SLC4A5: variants seen among roughly 807,000 people sequenced by gnomAD.
The protein encoded by SLC4A5 is electrogenic sodium bicarbonate cotransporter 4.
Under a neutral mutation model 120.4 loss-of-function variants are expected in SLC4A5, and 96 were observed. That is an observed-to-expected ratio of 0.80 (90% CI 0.68 to 0.94). SLC4A5 has a LOEUF of 0.94. Among genes scored for constraint, SLC4A5 ranks in the 40% least tolerant of loss-of-function variants. The pLI, the probability that SLC4A5 is intolerant of heterozygous loss-of-function variation, is 0.00. For missense variants in SLC4A5, 1,259 were observed against 1,459.5 expected (o/e 0.86, Z 2.24); for synonymous variants, 550 against 571.1 (o/e 0.96, Z 0.53).
chr2:74,343,026 T>C (rs939504064), intron 1 of SLC4A5, among the ~76,000 whole-genome samples: 6 of 151,980 alleles, frequency 3.9e-5, no homozygotes, highest in African/African-American at 1.5e-4. Context: ...TCCACAGATA[T>C]GCACACACTA....
intron 1 of SLC4A5, 63 bp from the exon 2 acceptor site, chr2:74,342,597 T>C (rs1002666835): frequency 1.3e-5 from 2 of 152,198 alleles, no homozygotes; most frequent in African/African-American, 4.8e-5. Flanking sequence ...CTAAGGGCAC[T>C]GGGTTTCTAA....
chr2:74,247,074 A>T, exon 19 of SLC4A5: 1 of 1,614,164 alleles, frequency 6.2e-7, no homozygotes, highest in Non-Finnish European at 8.5e-7. Context: ...GTAGGTAGTG[A>T]TGAAGTTTGG....
At chr2:74,342,285 T>C (rs893091847) in intron 2 of SLC4A5, among the ~76,000 whole-genome samples, 173 bp downstream of exon 2, 1 of 152,242 alleles carries the variant, frequency 6.6e-6, no homozygotes, top group Admixed American at 6.5e-5. Flanking sequence ...TGGAGATGTA[T>C]GAGTGTCTCC....
chr2:74,305,206 T>A (rs778133172), intron 6 of SLC4A5, among the ~76,000 whole-genome samples: 1 of 152,194 alleles, frequency 6.6e-6, no homozygotes, highest in Non-Finnish European at 1.5e-5. Context: ...AGAGCCCTAA[T>A]TCAGAATCCC....
In SLC4A5 at chr2:74,233,777, A is replaced by G. The variant is rs7571842; in HGVS notation, c.2434-214T>C. ...TGCAGACAGTGTCTGTAAAACTAAG[A>G]AGGTAATTTGCTGCAACAGCCCTGG... is the stretch of plus-strand genomic sequence containing the variant. On this transcript the variant is annotated intron_variant, in intron 22 of 30. Coordinates refer to ENST00000394019, the Ensembl canonical transcript of SLC4A5. Among the ~76,000 whole-genome samples the G allele has an allele frequency of 0.53, 81,096 of 152,014 alleles. 22,337 individuals are homozygous for G. The highest frequency in any genetic ancestry group is 0.65 in the African/African-American group (27,017 of 41,446).
chr2:74,226,953 T>G lies in SLC4A5; in HGVS notation c.3090+4A>C, dbSNP rs199498664. 5.0e-6 allele frequency: 8 copies of G among 1,612,486 alleles called. No individual in the cohort carries two copies. The African/African-American group carries it at 1.1e-4, about 21-fold the overall frequency. On this transcript the variant is annotated splice_donor_region_variant and intron_variant, in intron 27 of 30. Coordinates refer to ENST00000394019, the Ensembl canonical transcript of SLC4A5. ...CAGGAGGGGGAAGCCCGTGCCCACT[T>G]TACCATGACCGGGAAGATGATGGCA... is the stretch of plus-strand genomic sequence containing the variant.
At chr2:74,325,704 T>C (rs954538000) in intron 5 of SLC4A5, among the ~76,000 whole-genome samples, 1 of 152,202 alleles carries the variant, frequency 6.6e-6, no homozygotes, top group Non-Finnish European at 1.5e-5. Flanking sequence ...GTGAGGTATA[T>C]AATTTTCACC....
chr2:74,220,551 C>G (rs1440492503), intron 30 of SLC4A5, among the ~76,000 whole-genome samples: 1 of 151,994 alleles, frequency 6.6e-6, no homozygotes, highest in African/African-American at 2.4e-5. Context: ...GAGTCTTGCT[C>G]TGTTGCCCAG....
At chr2:74,256,160 T>C (rs1372016198) in intron 12 of SLC4A5, among the ~76,000 whole-genome samples, 1 of 152,206 alleles carries the variant, frequency 6.6e-6, no homozygotes, top group Non-Finnish European at 1.5e-5. Flanking sequence ...TGGCAACGAC[T>C]TTCCTTGACT....
chr2:74,307,674 C>A lies in SLC4A5; in HGVS notation c.80-2994G>T, dbSNP rs139464180. On this transcript the variant is annotated intron_variant, in intron 6 of 30. Coordinates refer to ENST00000394019, the Ensembl canonical transcript of SLC4A5. ...GGGTCCCTTCTTCTCCAGGTGCTCCCGGATTTTGCTCTCCAGCTTCCTGTT... is the reference window on the plus strand; with the variant it reads ...GGGTCCCTTCTTCTCCAGGTGCTCCAGGATTTTGCTCTCCAGCTTCCTGTT... The A allele has an allele frequency of 9.2e-4, 912 of 991,050 alleles. 12 individuals are homozygous for A. The South Asian group carries it at 9.2e-3, about 10-fold the overall frequency. The allele number at this position is 991,050 out of a possible 1,614,324, so 61.4% of individuals were successfully genotyped here. A position where few individuals can be genotyped will look rare whatever the true frequency, so the allele number is the denominator to read the frequency against.
intron 8 of SLC4A5, among the ~76,000 whole-genome samples, chr2:74,268,497 T>C (rs1671374108): frequency 6.6e-6 from 1 of 152,262 alleles, no homozygotes; most frequent in South Asian, 2.1e-4. Flanking sequence ...GTACCATAAT[T>C]GATAGGAACA....
intron 7 of SLC4A5, among the ~76,000 whole-genome samples, chr2:74,296,918 T>C (rs955375510): frequency 6.6e-6 from 1 of 152,200 alleles, no homozygotes; most frequent in African/African-American, 2.4e-5. Context: ...CCTTGGCTCC[T>C]TTCTTATCAG....
chr2:74,332,166 C>A (rs779458401), intron 4 of SLC4A5, among the ~76,000 whole-genome samples: 1 of 152,202 alleles, frequency 6.6e-6, no homozygotes, highest in Non-Finnish European at 1.5e-5. Context: ...ATTCTAAGCA[C>A]AGAGGGGTTG....
chr2:74,329,897 G>A (rs144889825), intron 4 of SLC4A5, among the ~76,000 whole-genome samples: 178 of 151,988 alleles, frequency 1.2e-3, no homozygotes, highest in Middle Eastern at 0.01. Context: ...GAAGTGATGA[G>A]ATGTAGATGG....
intron 8 of SLC4A5, among the ~76,000 whole-genome samples, chr2:74,283,595 C>A (rs1183561868): frequency 1.3e-5 from 2 of 152,128 alleles, no homozygotes; most frequent in South Asian, 4.1e-4. Flanking sequence ...ACTACCCAGG[C>A]TAGTGAGGGA....
chr2:74,235,177 G>A (rs1400184330), exon 22 of SLC4A5: 1 of 1,614,070 alleles, frequency 6.2e-7, no homozygotes, highest in Admixed American at 1.7e-5. Context: ...CATCAGGATG[G>A]AGAAAACAAT....
chr2:74,306,987 T>G, intron 6 of SLC4A5: 1 of 597,222 alleles, frequency 1.7e-6, no homozygotes, highest in Non-Finnish European at 3.2e-6. Flanking sequence ...TGATTCCAGG[T>G]GCAGCAGGAT....
At chr2:74,322,693 ATAAC>A (rs1442065628) in intron 5 of SLC4A5, among the ~76,000 whole-genome samples, 1 of 152,200 alleles carries the variant, frequency 6.6e-6, no homozygotes, top group Non-Finnish European at 1.5e-5. Flanking sequence ...ATTTTTAAAA[ATAAC>A]TAAGAGGTCT....
intron 19 of SLC4A5, among the ~76,000 whole-genome samples, chr2:74,244,784 C>A (rs764700942): frequency 6.6e-6 from 1 of 152,100 alleles, no homozygotes; most frequent in African/African-American, 2.4e-5. Context: ...TAGGAGGCTA[C>A]GAATTTGTAT....
Sources: gnomAD v4.1 joint callset for allele counts (sites outside exome capture counted in the v4.1 genomes callset) on GRCh38, gnomAD v4.1.1 for gene constraint, MANE v1.5 for transcripts, NCBI Gene and HGNC (gene_info 2026-07-23, HGNC 2026-07-21) for gene names.